Variants in SORCS1 observed in about 807,000 individuals in gnomAD.
The protein encoded by SORCS1 is VPS10 domain-containing receptor SorCS1.
In SORCS1, 60 loss-of-function variants were observed where a neutral mutation model predicts 146.1. The ratio of observed to expected loss-of-function variants is 0.41; its 90% CI spans 0.33 to 0.51. The LOEUF (loss-of-function observed/expected upper bound fraction) is 0.51. Ranked by LOEUF, SORCS1 falls within the 20% of genes least tolerant of loss-of-function variation. SORCS1 has a pLI of 0.21. For synonymous variants in SORCS1, 637 were observed against 584.0 expected (o/e 1.09, Z -1.31); for missense variants, 1,352 against 1,487.6 (o/e 0.91, Z 1.50).
At chr10:106,818,200 G>C (rs1047420583) in intron 3 of SORCS1, among the ~76,000 whole-genome samples, 1 of 152,078 alleles carries the variant, frequency 6.6e-6, no homozygotes, top group African/African-American at 2.4e-5. Flanking sequence ...TAAGATACAT[G>C]CTGAATATAT....
At chr10:106,794,993 G>A (rs115164464) in intron 3 of SORCS1, among the ~76,000 whole-genome samples, 1,533 of 152,210 alleles carry the variant, frequency 0.01, 17 homozygotes, top group African/African-American at 0.033. Context: ...CACTTCTTAT[G>A]TCTGATCCTT....
chr10:106,831,988 T>A (rs560351279), intron 2 of SORCS1, among the ~76,000 whole-genome samples: 42 of 152,336 alleles, frequency 2.8e-4, no homozygotes, highest in African/African-American at 9.6e-4. Flanking sequence ...AGCTTGATAG[T>A]CAAGAATATT....
At chr10:106,964,637 C>A (rs985110850) in intron 1 of SORCS1, among the ~76,000 whole-genome samples, 3 of 152,052 alleles carry the variant, frequency 2.0e-5, no homozygotes, top group African/African-American at 7.2e-5. Flanking sequence ...CAGGTGCGTG[C>A]CACCACACCT....
intron 1 of SORCS1, among the ~76,000 whole-genome samples, chr10:107,018,036 C>A (rs7893628): frequency 6.6e-6 from 1 of 152,038 alleles, no homozygotes; most frequent in Non-Finnish European, 1.5e-5. Flanking sequence ...CCACCCTATA[C>A]CCAGAGGAAA....
intron 2 of SORCS1, among the ~76,000 whole-genome samples, chr10:106,855,947 G>A (rs1216370367): frequency 1.3e-5 from 2 of 152,054 alleles, no homozygotes; most frequent in Non-Finnish European, 2.9e-5. Flanking sequence ...GCTGACATGA[G>A]GTACTAGGTA....
At chr10:107,132,905 C>T (rs1411226559) in intron 1 of SORCS1, among the ~76,000 whole-genome samples, 2 of 152,084 alleles carry the variant, frequency 1.3e-5, no homozygotes, top group African/African-American at 2.4e-5. Flanking sequence ...TCAACATACA[C>T]ACAAGCTTTT....
chr10:106,718,386 C>T (rs113118196), intron 6 of SORCS1, among the ~76,000 whole-genome samples: 1 of 152,312 alleles, frequency 6.6e-6, no homozygotes, highest in Non-Finnish European at 1.5e-5. Flanking sequence ...GCTGCAGACC[C>T]TCACGGTGAG....
At chr10:106,678,576 T>C (rs1285232680) in intron 12 of SORCS1, among the ~76,000 whole-genome samples, 1 of 152,212 alleles carries the variant, frequency 6.6e-6, no homozygotes, top group East Asian at 1.9e-4. Flanking sequence ...TTAAAACATA[T>C]TGATTGAAGT....
At chr10:106,913,111 T>G (rs553502722) in intron 2 of SORCS1, among the ~76,000 whole-genome samples, 4 of 150,734 alleles carry the variant, frequency 2.7e-5, no homozygotes, top group Admixed American at 2.6e-4. Context: ...ATTGCTAAAG[T>G]GTCTTTTCTT....
At chr10:107,014,406 C>A (rs1360786407) in intron 1 of SORCS1, among the ~76,000 whole-genome samples, 2 of 152,116 alleles carry the variant, frequency 1.3e-5, no homozygotes, top group East Asian at 3.8e-4. Flanking sequence ...GGGCCACTGT[C>A]CATTTTTGTG....
At chr10:106,943,472 A>G (rs1402646777) in intron 2 of SORCS1, among the ~76,000 whole-genome samples, 1 of 152,068 alleles carries the variant, frequency 6.6e-6, no homozygotes, top group African/African-American at 2.4e-5. Flanking sequence ...GAAAATTTCC[A>G]TTTGAGTTGT....
At chr10:106,629,975 G>A (rs112657053) in intron 18 of SORCS1, among the ~76,000 whole-genome samples, 176 of 152,312 alleles carry the variant, frequency 1.2e-3, no homozygotes, top group Non-Finnish European at 2.1e-3. Flanking sequence ...AATCTGGCAG[G>A]CAGAGGTTGC....
intron 4 of SORCS1, among the ~76,000 whole-genome samples, chr10:106,771,747 T>G (rs946345757): frequency 5.3e-5 from 8 of 152,114 alleles, no homozygotes; most frequent in African/African-American, 1.9e-4. Flanking sequence ...TCTCTATAAT[T>G]GTATCTATAA....
chr10:106,698,687 G>A (rs1210044052), intron 9 of SORCS1, among the ~76,000 whole-genome samples: 2 of 152,182 alleles, frequency 1.3e-5, no homozygotes, highest in Non-Finnish European at 2.9e-5. Context: ...GGATTTAGGA[G>A]ACAAGCACCT....
intron 2 of SORCS1, among the ~76,000 whole-genome samples, chr10:106,927,433 T>C (rs1953112554): frequency 6.6e-6 from 1 of 152,138 alleles, no homozygotes; most frequent in Non-Finnish European, 1.5e-5. Flanking sequence ...CGGTGAGTGT[T>C]ACAGCTCATA....
chr10:106,972,533 CT>C (rs531136280), intron 1 of SORCS1, among the ~76,000 whole-genome samples: 3,090 of 145,788 alleles, frequency 0.021, 91 homozygotes, highest in African/African-American at 0.07. Flanking sequence ...TACCTTTCTT[CT>C]TTTTTTTTTT....
At chr10:106,855,480 G>T (rs1222698758) in intron 2 of SORCS1, among the ~76,000 whole-genome samples, 1 of 151,948 alleles carries the variant, frequency 6.6e-6, no homozygotes, top group Non-Finnish European at 1.5e-5. Context: ...TACATTGCTT[G>T]TTTCTTTCTC....
chr10:107,014,367 A>G (rs1957813064), intron 1 of SORCS1, among the ~76,000 whole-genome samples: 1 of 151,770 alleles, frequency 6.6e-6, no homozygotes, highest in South Asian at 2.1e-4. Context: ...GCCTTTGCTT[A>G]GTGTTGCAGG....
intron 2 of SORCS1, 62 bp downstream of exon 2, chr10:106,956,451 C>G (rs1177283511): frequency 6.1e-6 from 9 of 1,477,528 alleles, no homozygotes; most frequent in Non-Finnish European, 8.5e-6. Flanking sequence ...GTGGGTGGGA[C>G]AGCAGTAGCA....
Sources: allele counts gnomAD v4.1 joint callset (sites outside exome capture counted in the v4.1 genomes callset), GRCh38; gene constraint gnomAD v4.1.1; transcripts MANE v1.5; gene names NCBI Gene and HGNC (gene_info 2026-07-23, HGNC 2026-07-21).